PIKFYVE: variants seen among roughly 807,000 people sequenced by gnomAD.
PIKFYVE encodes the protein 1-phosphatidylinositol 3-phosphate 5-kinase.
Under a neutral mutation model 257.9 loss-of-function variants are expected in PIKFYVE, and 122 were observed. That is an observed-to-expected ratio of 0.47 (90% confidence interval 0.41 to 0.55). The LOEUF is 0.55. Among genes scored for constraint, PIKFYVE ranks in the 20% least tolerant of loss-of-function variants. PIKFYVE has a pLI of 0.00. For missense variants in PIKFYVE, 2,160 were observed against 2,536.6 expected, an observed-to-expected ratio of 0.85 and a Z score of 3.19; for synonymous variants, 892 against 868.9, an observed-to-expected ratio of 1.03 and a Z score of -0.47.
At chr2:208,347,797 A>T (rs1195774243) in intron 34 of PIKFYVE, 62 bp from the exon 35 acceptor site, 3 of 1,441,796 alleles carry the variant, frequency 2.1e-6, no homozygotes, top group African/African-American at 1.4e-5. Flanking sequence ...TGAGCTGAAA[A>T]TTTTTATTTT....
rs114105605 is a variant in PIKFYVE, at chr2:208,343,709, A to G, written c.5027+1060A>G. Among the ~76,000 whole-genome samples, 1,294 of 152,310 alleles carry G rather than the reference A, an allele frequency of 8.5e-3. 25 individuals carry two copies. The highest frequency in any genetic ancestry group is 0.029 in the African/African-American group (1,214 of 41,566). ...CTATGGATGAGGAGGGACTACTGCA[A>G]TGCTGTTCTTATGCCTTATTCCGTA... On this transcript the variant is annotated intron_variant, in intron 32 of 41. Transcript: ENST00000264380.
intron 37 of PIKFYVE, 83 bp from the exon 38 acceptor site, chr2:208,351,269 T>A: frequency 8.8e-7 from 1 of 1,140,468 alleles, no homozygotes; most frequent in South Asian, 1.3e-5. Flanking sequence ...AACAACCTAA[T>A]CATTTAGGAT....
At chr2:208,308,656 A>T (rs1193409918) in intron 12 of PIKFYVE, among the ~76,000 whole-genome samples, 13 of 151,700 alleles carry the variant, frequency 8.6e-5, no homozygotes, top group Non-Finnish European at 1.5e-5. Flanking sequence ...GAAAAACACA[A>T]AGAGTGTAGT....
At chr2:208,279,824 A>G (rs1461732554) in intron 5 of PIKFYVE, among the ~76,000 whole-genome samples, 1 of 152,106 alleles carries the variant, frequency 6.6e-6, no homozygotes, top group Non-Finnish European at 1.5e-5. Flanking sequence ...GAAACTACCA[A>G]TGTCGTTTTT....
chr2:208,326,808 T>A (rs574642098), intron 20 of PIKFYVE, among the ~76,000 whole-genome samples: 130 of 152,322 alleles, frequency 8.5e-4, no homozygotes, highest in Non-Finnish European at 1.2e-3. Context: ...TGTGTTTTTT[T>A]AAAAAAGTTA....
Position 208,320,256 on chromosome 2 carries a change from G to A in PIKFYVE, c.2087G>A (p.Ser696Asn), listed in dbSNP as rs10932258. 1,608,723 of 1,610,828 alleles carry A rather than the reference G, an allele frequency of 1. 803,335 individuals carry two copies. The highest frequency in any genetic ancestry group is 1 in the East Asian group (44,632 of 44,632). Residue 696 changes from serine to asparagine, a missense_variant, in exon 17 of 42, where the codon AGT (serine) becomes AAT (asparagine). Ser to Asn is a conservative substitution (Grantham distance 46). Transcript: ENST00000264380. ...CAAACTGTTCATTTTTTGTAGATGA[G>A]TTCTTGTATTAAAAACCCCAAAATT... ...CTKNIAHKKM[S>N]SCIKNPKILL... is the part of the protein sequence containing the mutation.
chr2:208,303,566 A>G (rs935530670), intron 10 of PIKFYVE, among the ~76,000 whole-genome samples: 1 of 152,222 alleles, frequency 6.6e-6, no homozygotes, highest in Non-Finnish European at 1.5e-5. Context: ...GATCATCACA[A>G]ACGTCTTCAT....
Position 208,347,872 on chromosome 2 carries a change from T to G in PIKFYVE, c.5223T>G (p.Ser1741=), listed in dbSNP as rs764026732. The G allele has an allele frequency of 1.2e-6, 2 of 1,613,322 alleles. No homozygotes were observed. Among genetic ancestry groups the G allele is most frequent in the South Asian group, 2.2e-5 (2 of 91,062 alleles). ...ETEPQPTKKA[S]GMLSFFRGTA... ...TCTTATTTTTAGCCAAAAAGGCTTC[T>G]GGAATGTTGTCCTTCTTCAGAGGGA... The change falls in exon 35 of 42, where the codon TCT becomes TCG. Residue 1741 remains serine (S), a synonymous_variant. Transcript: ENST00000264380.
rs542573444 is a variant in PIKFYVE, at chr2:208,348,460, T to C, written c.5374+437T>C. Among the ~76,000 whole-genome samples, 38 of 152,260 alleles carry C rather than the reference T, an allele frequency of 2.5e-4. 1 individual carries two copies. In the South Asian group the frequency reaches 7.7e-3, roughly 31 times the overall value. On this transcript the variant is annotated intron_variant, in intron 35 of 41. Transcript: ENST00000264380. ...CTTTCATTTTGACATTTAAAAATTATGTCTAATGCTGGGTGAGATGGCCCA... is the reference window on the plus strand; with the variant it reads ...CTTTCATTTTGACATTTAAAAATTACGTCTAATGCTGGGTGAGATGGCCCA...
At chr2:208,268,541 G>A (rs1462555233) in intron 1 of PIKFYVE, among the ~76,000 whole-genome samples, 6 of 147,852 alleles carry the variant, frequency 4.1e-5, no homozygotes, top group African/African-American at 1.5e-4. Context: ...CTCCTAAAGT[G>A]CTGGGATTAC....
chr2:208,294,250 G>A (rs1435281884), intron 7 of PIKFYVE, among the ~76,000 whole-genome samples: 1 of 152,066 alleles, frequency 6.6e-6, no homozygotes, highest in Non-Finnish European at 1.5e-5. Context: ...TTGATCTCTT[G>A]CATTTCCTTT....
At chr2:208,341,108 A>G (rs2125719746) in intron 31 of PIKFYVE, among the ~76,000 whole-genome samples, 1 of 151,958 alleles carries the variant, frequency 6.6e-6, no homozygotes, top group Admixed American at 6.5e-5. Flanking sequence ...CCTAGATTCA[A>G]GTGATTCTCC....
intron 12 of PIKFYVE, among the ~76,000 whole-genome samples, chr2:208,307,789 A>G (rs1694501846): frequency 6.6e-6 from 1 of 152,192 alleles, no homozygotes; most frequent in Non-Finnish European, 1.5e-5. Context: ...ACTATAATAG[A>G]TACTATCTTT....
intron 7 of PIKFYVE, among the ~76,000 whole-genome samples, chr2:208,290,737 A>T (rs762404728): frequency 6.6e-6 from 1 of 152,194 alleles, no homozygotes; most frequent in African/African-American, 2.4e-5. Context: ...CCTACCAGCA[A>T]TGAATGAGAG....
At chr2:208,266,750 C>A (rs1006546219) in intron 1 of PIKFYVE, among the ~76,000 whole-genome samples, 2 of 152,208 alleles carry the variant, frequency 1.3e-5, no homozygotes, top group African/African-American at 4.8e-5. Flanking sequence ...GTTACTTTTC[C>A]CTCTGAGTGC....
At position 208,304,415 on chromosome 2, in the gene PIKFYVE, A is replaced by G; in HGVS notation, c.1468+97A>G. The G allele has an allele frequency of 6.8e-6, 10 of 1,476,736 alleles. 1 individual carries two copies. In the South Asian group the frequency reaches 8.0e-5, roughly 12 times the overall value. 91.5% of individuals were successfully genotyped at this position (1,476,736 alleles called of 1,614,324 possible). On this transcript the variant is annotated intron_variant, in intron 11 of 41. Coordinates refer to ENST00000264380, the MANE Select transcript of PIKFYVE (RefSeq NM_015040.4). ...GTTTGTTGAAATAATTCAGCTTTAT[A>G]ATTTATGGCTCCAACTAAATGGAAA...
At chr2:208,278,903 C>T (rs1690449781) in intron 5 of PIKFYVE, among the ~76,000 whole-genome samples, 1 of 152,072 alleles carries the variant, frequency 6.6e-6, no homozygotes, top group African/African-American at 2.4e-5. Context: ...GATTTATTTT[C>T]CTTTGGATAT....
Position 208,277,612 on chromosome 2 carries a change from A to G in PIKFYVE, c.517A>G (p.Thr173Ala). ...CTATGACTGTAGTGAGAAATTTACAACCTTTAGGCGCAGACACCATTGCCG... is the reference window on the plus strand; with the variant it reads ...CTATGACTGTAGTGAGAAATTTACAGCCTTTAGGCGCAGACACCATTGCCG... Reference protein sequence around the residue: ...ECYDCSEKFTTFRRRHHCRLC... With the variant: ...ECYDCSEKFTAFRRRHHCRLC... The change falls in exon 5 of 42, where the codon ACC becomes GCC. Residue 173 changes from threonine (T) to alanine (A), a missense_variant. Coordinates refer to ENST00000264380, the MANE Select transcript of PIKFYVE (RefSeq NM_015040.4). The G allele has an allele frequency of 6.2e-7, 1 of 1,613,910 alleles. No homozygotes were observed. Among genetic ancestry groups the G allele is most frequent in the Non-Finnish European group, 8.5e-7 (1 of 1,179,820 alleles).
intron 24 of PIKFYVE, chr2:208,334,637 C>T (rs1228713282): frequency 6.6e-6 from 1 of 152,496 alleles, no homozygotes; most frequent in African/African-American, 2.4e-5. Flanking sequence ...CTCCCCCATC[C>T]TAGCACTCTG....
Sources: gnomAD v4.1 joint callset for allele counts (sites outside exome capture counted in the v4.1 genomes callset) on GRCh38, gnomAD v4.1.1 for gene constraint, MANE v1.5 for transcripts, NCBI Gene and HGNC (gene_info 2026-07-23, HGNC 2026-07-21) for gene names.